The following DNAH2 variants were observed in gnomAD, a reference collection of about 807,000 sequenced individuals.
DNAH2 encodes axonemal beta dynein heavy chain 2.
Under a neutral mutation model 523.5 loss-of-function variants are expected in DNAH2, and 323 were observed. The observed-to-expected ratio is 0.62, with a 90% CI of 0.56 to 0.68. DNAH2 has a LOEUF of 0.68. DNAH2 is among the 30% of genes least tolerant of loss of function. DNAH2 has a pLI of 0.00. For missense variants in DNAH2, 4,907 were observed against 5,701.5 expected (o/e 0.86, Z 4.49); for synonymous variants, 2,093 against 2,177.4 (o/e 0.96, Z 1.08).
rs1415884520 is a variant in DNAH2 at position 7,831,890 on chromosome 17, T to C, written c.12726+115T>C. Reference sequence around the variant, plus strand: ...AAGCAAACTGCAGAGAGCCGAAACTTTGAAGTTAGATAGGTTCAAGGTTAA... The same window carrying C: ...AAGCAAACTGCAGAGAGCCGAAACTCTGAAGTTAGATAGGTTCAAGGTTAA... On this transcript the variant is annotated intron_variant, in intron 82 of 85. Coordinates refer to ENST00000572933, the MANE Select transcript of DNAH2 (RefSeq NM_020877.5). This position sits in a 1 kb window ranked among gnomAD's most constrained non-coding sequence, Gnocchi z 4.2. 1.5e-5 allele frequency: 13 copies of C among 882,516 alleles called. No homozygotes were observed. Among genetic ancestry groups the C allele is most frequent in the Non-Finnish European group, 2.0e-5 (12 of 585,856 alleles). 54.7% of individuals were successfully genotyped at this position (882,516 alleles called of 1,614,324 possible).
At chr17:7,756,310 C>G (rs890661901) in intron 12 of DNAH2, among the ~76,000 whole-genome samples, 1 of 151,896 alleles carries the variant, frequency 6.6e-6, no homozygotes, top group Non-Finnish European at 1.5e-5. Context: ...GAATCTAGCT[C>G]TGTCACCCAG....
chr17:7,790,298 G>A (rs947573551), intron 44 of DNAH2, among the ~76,000 whole-genome samples: 2 of 151,860 alleles, frequency 1.3e-5, no homozygotes, highest in South Asian at 2.1e-4. Context: ...GTGTGATCTC[G>A]GCTCACTGCA....
At position 7,786,373 on chromosome 17, in the gene DNAH2, C is replaced by T; in HGVS notation, c.6348+31C>T. On this transcript the variant is annotated intron_variant, in intron 40 of 85. Coordinates refer to ENST00000572933, the MANE Select transcript of DNAH2 (RefSeq NM_020877.5). This position sits in a 1 kb window ranked among gnomAD's most constrained non-coding sequence, Gnocchi z 7.5. ...GGGCTGGGACAGTGGAGTCAGTGGG[C>T]AGAGACTTGAGTAGTAAGAAGACAA... 1 of 1,600,482 alleles carries T rather than the reference C, an allele frequency of 6.2e-7. No individual in the cohort carries two copies. Among genetic ancestry groups the T allele is most frequent in the African/African-American group, 1.3e-5 (1 of 74,872 alleles).
In DNAH2 at chr17:7,830,294, C is replaced by T. The variant is rs780106451; in HGVS notation, c.11854-6C>T. The T allele has an allele frequency of 1.9e-6, 3 of 1,612,442 alleles. No individual in the cohort carries two copies. The highest frequency in any genetic ancestry group is 2.5e-6 in the Non-Finnish European group (3 of 1,179,106). ...TCACCCCATCTTTATATTTCATTGT[C>T]CCCAGGGCCTAAAGGCCAACATGAC... On this transcript the variant is annotated splice_region_variant and splice_polypyrimidine_tract_variant and intron_variant, in intron 77 of 85. Transcript: ENST00000572933.
In DNAH2 at chr17:7,770,902, TC is replaced by T. The variant is rs2076297042; in HGVS notation, c.4332del (p.Thr1445GlnfsTer9). 1 of 1,613,938 alleles carries T rather than the reference TC, an allele frequency of 6.2e-7. No individual in the cohort carries two copies. Among genetic ancestry groups the T allele is most frequent in the South Asian group, 1.1e-5 (1 of 91,080 alleles). ...ATTTTGGAGGTTATTGAGATGATTC[TC>T]ACAGTGCAGCGTCAGTGGATGTACT... ...SLILEVIEMI[L>X]TVQRQWMYLE... On this transcript the variant is annotated frameshift_variant, in exon 27 of 86. Transcript: ENST00000572933. LOFTEE classifies it high-confidence loss of function.
At chr17:7,761,676 G>A (rs1418521569) in intron 18 of DNAH2, among the ~76,000 whole-genome samples, 1 of 151,928 alleles carries the variant, frequency 6.6e-6, no homozygotes, top group Non-Finnish European at 1.5e-5. Context: ...GTAGAGACAG[G>A]GTTTCACCAT....
Position 7,754,717 on chromosome 17 carries a change from G to T in DNAH2, c.1905-2374G>T, listed in dbSNP as rs990565440. On this transcript the variant is annotated intron_variant, in intron 12 of 85. Transcript: ENST00000572933. This position sits in a 1 kb window ranked among gnomAD's most constrained non-coding sequence, Gnocchi z 4.6. Reference sequence around the variant, plus strand: ...AACCTTGGGAAGCTTGCTCGTGCCCGCATGGCCAAGGGGCTCAGGCTGTGC... The same window carrying T: ...AACCTTGGGAAGCTTGCTCGTGCCCTCATGGCCAAGGGGCTCAGGCTGTGC... 7 of 1,143,022 alleles carry T rather than the reference G, an allele frequency of 6.1e-6. No homozygotes were observed. The highest frequency in any genetic ancestry group is 3.4e-5 in the Admixed American group (2 of 58,926). The allele number at this position is 1,143,022 out of a possible 1,614,324, so 70.8% of individuals were successfully genotyped here.
At chr17:7,826,824 G>C (rs191384989) in intron 77 of DNAH2, among the ~76,000 whole-genome samples, 2 of 152,094 alleles carry the variant, frequency 1.3e-5, no homozygotes, top group East Asian at 3.9e-4. Flanking sequence ...ACAGGCATGA[G>C]TCACCGCACC....
rs1363628247 is a variant in DNAH2, at chr17:7,807,035, C to T, written c.9443-115C>T. 1.5e-6 allele frequency: 2 copies of T among 1,323,190 alleles called. No homozygotes were observed. The highest frequency in any genetic ancestry group is 2.1e-6 in the Non-Finnish European group (2 of 965,148). 82.0% of individuals were successfully genotyped at this position (1,323,190 alleles called of 1,614,324 possible). On this transcript the variant is annotated intron_variant, in intron 61 of 85. Transcript: ENST00000572933. This position sits in a 1 kb window ranked among gnomAD's most constrained non-coding sequence, Gnocchi z 5.6. ...TAGGGGCCAGGTCAGATAATTTGGCCTTAGGAACTGAGCCCAGGAAAAATG... is the reference window on the plus strand; with the variant it reads ...TAGGGGCCAGGTCAGATAATTTGGCTTTAGGAACTGAGCCCAGGAAAAATG...
intron 4 of DNAH2, among the ~76,000 whole-genome samples, chr17:7,727,519 C>T (rs1450399632): frequency 6.6e-6 from 1 of 152,060 alleles, no homozygotes; most frequent in African/African-American, 2.4e-5. Flanking sequence ...TTTGGGAGGC[C>T]GAGGCGGGTG....
intron 18 of DNAH2, 106 bp from the exon 19 acceptor site, chr17:7,763,725 C>T (rs2076072689): frequency 7.4e-7 from 1 of 1,354,438 alleles, no homozygotes; most frequent in Admixed American, 1.7e-5. Flanking sequence ...TCTAGAACTG[C>T]TGCCCAGGTT....
intron 69 of DNAH2, 86 bp downstream of exon 69, chr17:7,818,546 G>A: frequency 6.2e-7 from 1 of 1,602,262 alleles, no homozygotes; most frequent in Non-Finnish European, 8.5e-7. Context: ...CTTGTGTTGG[G>A]CAGCTGAGGA....
rs1283159907 is a variant in DNAH2, at chr17:7,737,120, A to C, written c.1032A>C (p.Glu344Asp). 1 of 1,614,100 alleles carries C rather than the reference A, an allele frequency of 6.2e-7. No homozygotes were observed. Among genetic ancestry groups the C allele is most frequent in the Admixed American group, 1.7e-5 (1 of 60,020 alleles). ...SNLTFLSILK[E>D]PYQELAFMKP... ...TGACCTTTTTGTCAATCCTGAAGGA[A>C]CCTTACCAGGAGTTGGCTTTCATGA... The change falls in exon 8 of 86, where the codon GAA (glutamate) becomes GAC (aspartate). Residue 344 changes from glutamate (E) to aspartate (D), a missense_variant. Glu to Asp is a conservative substitution (Grantham distance 45, BLOSUM62 2). This residue lies in a region of DNAH2 where 2,806 missense variants were observed against 3,190.8 expected (regional missense o/e 0.88). Coordinates refer to ENST00000572933, the MANE Select transcript of DNAH2 (RefSeq NM_020877.5).
intron 12 of DNAH2, among the ~76,000 whole-genome samples, chr17:7,747,008 A>G (rs998296018): frequency 2.0e-5 from 3 of 151,970 alleles, no homozygotes; most frequent in Non-Finnish European, 4.4e-5. Context: ...AAAAAAAAAA[A>G]AAGAAGCTTG....
In DNAH2 at chr17:7,780,368, A is replaced by G; in HGVS notation, c.5850+84A>G. The G allele has an allele frequency of 6.3e-7, 1 of 1,586,930 alleles. No homozygotes were observed. The highest frequency in any genetic ancestry group is 8.6e-7 in the Non-Finnish European group (1 of 1,163,474). Reference sequence around the variant, plus strand: ...GACAGAGGAGCTCCCCAAGGGCCTCACAATCAGCTTATCCTCTAAGGAACT... The same window carrying G: ...GACAGAGGAGCTCCCCAAGGGCCTCGCAATCAGCTTATCCTCTAAGGAACT... On this transcript the variant is annotated intron_variant, in intron 37 of 85. Transcript: ENST00000572933. The surrounding 1 kb of genome is among the most constrained non-coding windows in gnomAD (Gnocchi z 4.4).
intron 50 of DNAH2, 69 bp from the exon 51 acceptor site, chr17:7,797,107 A>G (rs1284748045): frequency 1.5e-5 from 21 of 1,434,530 alleles, no homozygotes; most frequent in Non-Finnish European, 2.0e-5. Flanking sequence ...GTCCCAAAAA[A>G]AAAAAAAAAA....
At position 7,807,661 on chromosome 17, in the gene DNAH2, TC is replaced by T; in HGVS notation, c.9729+80del. 3.0e-6 allele frequency: 4 copies of T among 1,319,422 alleles called. No individual in the cohort carries two copies. Among genetic ancestry groups the T allele is most frequent in the Non-Finnish European group, 4.3e-6 (4 of 931,076 alleles). 81.7% of individuals were successfully genotyped at this position (1,319,422 alleles called of 1,614,324 possible). A position where few individuals can be genotyped will look rare whatever the true frequency, so the allele number is the denominator to read the frequency against. On this transcript the variant is annotated intron_variant, in intron 63 of 85. Transcript: ENST00000572933. This position sits in a 1 kb window ranked among gnomAD's most constrained non-coding sequence, Gnocchi z 5.6. ...GGATTGCTTCATTAAGCATTTGTTT[TC>T]CCCCATCTAATTCTAGCCCCCTTCC...
At chr17:7,764,326 C>CG in intron 20 of DNAH2, 53 bp downstream of exon 20, 1 of 1,552,540 alleles carries the variant, frequency 6.4e-7, no homozygotes. Flanking sequence ...CAGCAGATTG[C>CG]GGGGGAGGCC....
intron 3 of DNAH2, among the ~76,000 whole-genome samples, chr17:7,726,217 G>C (rs1403005857): frequency 6.6e-6 from 1 of 151,954 alleles, no homozygotes; most frequent in East Asian, 1.9e-4. Context: ...TGTTGGCCAG[G>C]CTGGTCTTGA....
Sources: allele counts gnomAD v4.1 joint callset (sites outside exome capture counted in the v4.1 genomes callset), GRCh38; gene constraint gnomAD v4.1.1; regional missense constraint gnomAD v4.1.1; non-coding constraint Gnocchi (gnomAD v3.1); transcripts MANE v1.5; gene names NCBI Gene and HGNC (gene_info 2026-07-23, HGNC 2026-07-21).